MDGA2: variants seen among roughly 807,000 people sequenced by gnomAD.
The protein encoded by MDGA2 is MAM domain-containing glycosylphosphatidylinositol anchor protein 2.
In MDGA2, 40 loss-of-function variants were observed where a neutral mutation model predicts 117.8. That is an observed-to-expected ratio of 0.34 (90% CI 0.26 to 0.44). The LOEUF (loss-of-function observed/expected upper bound fraction) is 0.44. Among genes scored for constraint, MDGA2 ranks in the 20% least tolerant of loss-of-function variants. The pLI is 1.00. For synonymous variants in MDGA2, 452 were observed against 439.0 expected, an observed-to-expected ratio of 1.03 and a Z score of -0.37; for missense variants, 1,123 against 1,250.6, an observed-to-expected ratio of 0.90 and a Z score of 1.54.
At chr14:47,024,197 A>G (rs1462104306) in intron 8 of MDGA2, among the ~76,000 whole-genome samples, 1 of 152,218 alleles carries the variant, frequency 6.6e-6, no homozygotes. Flanking sequence ...TATATCTGTG[A>G]TTGAATGATT....
chr14:47,253,103 T>C (rs914262374), intron 2 of MDGA2, among the ~76,000 whole-genome samples: 3 of 152,166 alleles, frequency 2.0e-5, no homozygotes, highest in African/African-American at 7.2e-5. Context: ...GTCCCTCCCA[T>C]GACATGTGAG....
chr14:47,110,491 C>T (rs1224796878), intron 5 of MDGA2, among the ~76,000 whole-genome samples: 1 of 152,130 alleles, frequency 6.6e-6, no homozygotes, highest in Non-Finnish European at 1.5e-5. Flanking sequence ...TGGAAAGGTA[C>T]TCTCCTACTG....
chr14:47,332,520 T>A (rs1890322025), intron 1 of MDGA2, among the ~76,000 whole-genome samples: 1 of 151,758 alleles, frequency 6.6e-6, no homozygotes, highest in Non-Finnish European at 1.5e-5. Flanking sequence ...TTGGTCATCA[T>A]CAAGTCCTAT....
intron 1 of MDGA2, among the ~76,000 whole-genome samples, chr14:47,511,077 G>T (rs1955782): frequency 0.74 from 112,762 of 152,098 alleles, 42,286 homozygotes; most frequent in East Asian, 1. Flanking sequence ...TCTACCAACC[G>T]ACCTACACAT....
chr14:47,517,360 T>C (rs1424034042), intron 1 of MDGA2, among the ~76,000 whole-genome samples: 1 of 152,160 alleles, frequency 6.6e-6, no homozygotes, highest in Non-Finnish European at 1.5e-5. Context: ...GATATTAGCA[T>C]GCCATCATGT....
intron 7 of MDGA2, among the ~76,000 whole-genome samples, chr14:47,057,642 CT>C: frequency 3.7e-5 from 1 of 27,184 alleles, no homozygotes; most frequent in Non-Finnish European, 9.1e-5. Flanking sequence ...CCCTCCCCTC[CT>C]TTCCCCTCCC....
intron 1 of MDGA2, among the ~76,000 whole-genome samples, chr14:47,574,893 C>T (rs1896088266): frequency 6.6e-6 from 1 of 152,186 alleles, no homozygotes; most frequent in African/African-American, 2.4e-5. Flanking sequence ...GTGCTCCTCA[C>T]TGCTCTATTC....
intron 12 of MDGA2, among the ~76,000 whole-genome samples, chr14:46,876,127 T>A (rs1344622702): frequency 6.6e-6 from 1 of 151,482 alleles, no homozygotes; most frequent in African/African-American, 2.4e-5. Context: ...TATAATATTA[T>A]AACTAGTGTA....
intron 5 of MDGA2, among the ~76,000 whole-genome samples, chr14:47,129,239 T>TCCCCCCCCC (rs535856949): frequency 2.7e-5 from 4 of 147,960 alleles, no homozygotes; most frequent in Non-Finnish European, 4.5e-5. Context: ...ATGCTATAGC[T>TCCCCCCCCC]CCCCCCCCGA....
At chr14:47,044,073 T>G (rs1024615771) in intron 7 of MDGA2, among the ~76,000 whole-genome samples, 1 of 145,572 alleles carries the variant, frequency 6.9e-6, no homozygotes, top group Non-Finnish European at 1.5e-5. Flanking sequence ...ATTTTAAAGG[T>G]TTTTTTTTTT....
chr14:47,142,344 T>G (rs950398913), intron 4 of MDGA2, among the ~76,000 whole-genome samples: 2 of 152,076 alleles, frequency 1.3e-5, no homozygotes, highest in Non-Finnish European at 2.9e-5. Context: ...CTCAGGAGGC[T>G]GAGGCATGAG....
At chr14:47,090,277 T>G (rs1249560802) in intron 6 of MDGA2, among the ~76,000 whole-genome samples, 2 of 152,102 alleles carry the variant, frequency 1.3e-5, no homozygotes, top group Non-Finnish European at 2.9e-5. Flanking sequence ...AAAGTGAAAT[T>G]CATGCCTCAT....
chr14:47,099,012 A>C (rs1880147218), intron 5 of MDGA2, among the ~76,000 whole-genome samples: 1 of 151,936 alleles, frequency 6.6e-6, no homozygotes, highest in Admixed American at 6.6e-5. Context: ...CTACCTTCAC[A>C]ACATTGTTAA....
At chr14:47,083,335 G>T (rs1400334069) in intron 6 of MDGA2, among the ~76,000 whole-genome samples, 1 of 151,956 alleles carries the variant, frequency 6.6e-6, no homozygotes, top group Non-Finnish European at 1.5e-5. Context: ...TAGGGCCTAG[G>T]GGGGTGGGGT....
chr14:47,230,655 A>G (rs1376154851), intron 2 of MDGA2, among the ~76,000 whole-genome samples: 3 of 151,994 alleles, frequency 2.0e-5, no homozygotes, highest in Non-Finnish European at 4.4e-5. Flanking sequence ...AGGAACAAGA[A>G]CAACAACACA....
chr14:47,380,639 G>C (rs6572416), intron 1 of MDGA2, among the ~76,000 whole-genome samples: 109,702 of 151,704 alleles, frequency 0.72, 39,908 homozygotes, highest in Middle Eastern at 0.82. Context: ...TCGACACATA[G>C]ACTCTCCCAA....
chr14:47,316,120 GCTTTCTACCT>G (rs1390533300), intron 1 of MDGA2, among the ~76,000 whole-genome samples: 20 of 152,082 alleles, frequency 1.3e-4, no homozygotes, highest in African/African-American at 4.1e-4. Context: ...GGATGATATG[GCTTTCTACCT>G]CATACTGTTG....
chr14:47,586,772 C>T (rs1330864753), intron 1 of MDGA2, among the ~76,000 whole-genome samples: 1 of 151,904 alleles, frequency 6.6e-6, no homozygotes, highest in East Asian at 1.9e-4. Flanking sequence ...AGGACAGCAA[C>T]ATAAGGAAAT....
Position 47,674,767 on chromosome 14 carries a change from G to A in MDGA2, c.30C>T (p.Arg10=), listed in dbSNP as rs749428402. ...TTCCCCGGCGGCGGCGGCGAGCGGA[G>A]CGCAGGAGCCCCGCACTCCACACAC... MSVWSAGLL[R]SARRRRRGRT... The change falls in exon 1 of 17, where the codon CGC becomes CGT. Residue 10 remains arginine, a synonymous_variant. Transcript: ENST00000399232. 5.7e-6 allele frequency: 4 copies of A among 697,620 alleles called. No homozygotes were observed. Among genetic ancestry groups the A allele is most frequent in the Non-Finnish European group, 5.2e-6 (2 of 384,736 alleles). 43.2% of individuals were successfully genotyped at this position (697,620 alleles called of 1,614,324 possible). A position where few individuals can be genotyped will look rare whatever the true frequency, so the allele number is the denominator to read the frequency against.
Sources: gnomAD v4.1 joint callset for allele counts (sites outside exome capture counted in the v4.1 genomes callset) on GRCh38, gnomAD v4.1.1 for gene constraint, MANE v1.5 for transcripts, NCBI Gene and HGNC (gene_info 2026-07-23, HGNC 2026-07-21) for gene names.